Variants in GFPT1 observed in about 807,000 individuals in gnomAD.
GFPT1 encodes the protein glutamine--fructose-6-phosphate aminotransferase [isomerizing] 1.
Under a neutral mutation model 92.0 loss-of-function variants are expected in GFPT1, and 40 were observed. The ratio of observed to expected loss-of-function variants is 0.43; its 90% CI spans 0.34 to 0.57. The LOEUF (loss-of-function observed/expected upper bound fraction) is 0.57. Among genes scored for constraint, GFPT1 ranks in the 20% least tolerant of loss-of-function variants. GFPT1 has a pLI of 0.02. For missense variants in GFPT1, 448 were observed against 869.1 expected, an observed-to-expected ratio of 0.52 and a Z score of 6.09; for synonymous variants, 269 against 280.6, an observed-to-expected ratio of 0.96 and a Z score of 0.41.
chr2:69,323,691 T>C lies in GFPT1; in HGVS notation c.*2498A>G, dbSNP rs1015403272. 10 of 151,348 alleles carry C rather than the reference T, an allele frequency of 6.6e-5. No individual in the cohort carries two copies. Among genetic ancestry groups the C allele is most frequent in the Non-Finnish European group, 1.5e-4 (10 of 67,782 alleles). The allele number at this position is 151,348 out of a possible 1,614,324, so 9.4% of individuals were successfully genotyped here. On this transcript the variant is annotated 3_prime_UTR_variant, in exon 20 of 20. Transcript: ENST00000357308. ...TTTAAAAAAAAAATTTTTTTTTTTT[T>C]TTTTTGAGAGAGTCTTGCTCTGTCG...
chr2:69,344,819 A>G lies in GFPT1; in HGVS notation c.1105+1085T>C, dbSNP rs543428981. On this transcript the variant is annotated intron_variant, in intron 12 of 19. Transcript: ENST00000357308. ...CCACCACACCCAGCTAATTTTTTAAAAATTTTTAGTAAAAAGGAGGTCAGA... is the reference window on the plus strand; with the variant it reads ...CCACCACACCCAGCTAATTTTTTAAGAATTTTTAGTAAAAAGGAGGTCAGA... Among the ~76,000 whole-genome samples the G allele has an allele frequency of 3.6e-4, 54 of 151,804 alleles. 1 individual carries two copies. In the South Asian group the frequency reaches 0.01, roughly 29 times the overall value.
chr2:69,381,815 A>G (rs1034395699), intron 1 of GFPT1, among the ~76,000 whole-genome samples: 1 of 150,538 alleles, frequency 6.6e-6, no homozygotes, highest in African/African-American at 2.5e-5. Flanking sequence ...CAGCTTCCTG[A>G]GTGGCTGGGA....
intron 18 of GFPT1, among the ~76,000 whole-genome samples, chr2:69,327,831 G>T (rs1226389605): frequency 6.6e-6 from 1 of 152,012 alleles, no homozygotes; most frequent in Non-Finnish European, 1.5e-5. Flanking sequence ...GGCCAGGCGG[G>T]GTGGCTCATG....
At chr2:69,382,785 A>G (rs1324716076) in intron 1 of GFPT1, among the ~76,000 whole-genome samples, 1 of 152,206 alleles carries the variant, frequency 6.6e-6, no homozygotes, top group Admixed American at 6.5e-5. Flanking sequence ...CAAGTTGAGT[A>G]AAAGTCCTGC....
At position 69,354,504 on chromosome 2, in the gene GFPT1, T is replaced by C. The variant is rs1489383761; in HGVS notation, c.670A>G (p.Ile224Val). Residue 224 changes from isoleucine to valine, a missense_variant, in exon 8 of 20, where the codon ATA (isoleucine) becomes GTA (valine). Coordinates refer to ENST00000357308, the MANE Select transcript of GFPT1 (RefSeq NM_001244710.2). The stretch of plus-strand genomic sequence containing the variant: ...GTAATTTTACCTGTTCTGTAGAGTA[T>C]AGGAATGTGATCAGTAGAAAGTTTA... Reference protein sequence around the residue: ...EHKLSTDHIPILYRTARTQIG... With the variant: ...EHKLSTDHIPVLYRTARTQIG... The C allele has an allele frequency of 8.8e-6, 14 of 1,595,802 alleles. No homozygotes were observed. Among genetic ancestry groups the C allele is most frequent in the African/African-American group, 1.3e-5 (1 of 74,580 alleles).
At chr2:69,380,787 T>A (rs372157946) in intron 1 of GFPT1, among the ~76,000 whole-genome samples, 5 of 152,212 alleles carry the variant, frequency 3.3e-5, no homozygotes, top group Admixed American at 2.6e-4. Context: ...AGAACTCATC[T>A]ATCCTATCCA....
intron 6 of GFPT1, among the ~76,000 whole-genome samples, chr2:69,357,496 G>A (rs1291475715): frequency 3.3e-5 from 5 of 152,160 alleles, no homozygotes; most frequent in Admixed American, 6.6e-5. Context: ...TGTTAGAAAC[G>A]AGAAAAGGCT....
chr2:69,333,283 C>T (rs1191217233), intron 15 of GFPT1, among the ~76,000 whole-genome samples: 3 of 152,182 alleles, frequency 2.0e-5, no homozygotes, highest in Admixed American at 2.0e-4. Flanking sequence ...TCCTGTAGCC[C>T]ATAACTAAAA....
chr2:69,323,628 T>G lies in GFPT1; in HGVS notation c.*2561A>C, dbSNP rs1403039351. The G allele has an allele frequency of 2.0e-5, 3 of 151,792 alleles. No homozygotes were observed. The highest frequency in any genetic ancestry group is 7.3e-5 in the African/African-American group (3 of 41,336). 9.4% of individuals were successfully genotyped at this position (151,792 alleles called of 1,614,324 possible). On this transcript the variant is annotated 3_prime_UTR_variant, in exon 20 of 20. Coordinates refer to ENST00000357308, the MANE Select transcript of GFPT1 (RefSeq NM_001244710.2). ...ATCCTACTACTTAAGCCTCCCAAGT[T>G]GCTGAGACTACAGGCACAAGCCACC...
At chr2:69,342,721 C>G (rs1670981848) in intron 12 of GFPT1, among the ~76,000 whole-genome samples, 1 of 152,134 alleles carries the variant, frequency 6.6e-6, no homozygotes, top group Non-Finnish European at 1.5e-5. Flanking sequence ...AGAGGTTTGT[C>G]AAACTTAGAG....
At chr2:69,337,873 T>C (rs1268071654) in intron 15 of GFPT1, 25 bp downstream of exon 15, 3 of 1,593,630 alleles carry the variant, frequency 1.9e-6, no homozygotes, top group Admixed American at 1.7e-5. Context: ...TAAATAATCA[T>C]CAGAGAAATG....
At chr2:69,379,142 T>C (rs1310424424) in intron 1 of GFPT1, among the ~76,000 whole-genome samples, 1 of 152,098 alleles carries the variant, frequency 6.6e-6, no homozygotes, top group African/African-American at 2.4e-5. Flanking sequence ...ATTGTGAAAA[T>C]CTCTCCTTTC....
chr2:69,365,360 T>C (rs539116896), intron 3 of GFPT1, among the ~76,000 whole-genome samples: 222 of 152,138 alleles, frequency 1.5e-3, no homozygotes, highest in African/African-American at 5.2e-3. Flanking sequence ...TAATCCCAGC[T>C]ACTCAGGAGG....
chr2:69,339,632 T>C (rs1670887791), intron 13 of GFPT1, among the ~76,000 whole-genome samples: 1 of 152,200 alleles, frequency 6.6e-6, no homozygotes, highest in Non-Finnish European at 1.5e-5. Flanking sequence ...TTCAGGCAAG[T>C]GGCCCTCCCC....
chr2:69,356,460 T>C (rs1671340560), intron 7 of GFPT1, 36 bp downstream of exon 7: 1 of 1,415,062 alleles, frequency 7.1e-7, no homozygotes, highest in African/African-American at 1.4e-5. Context: ...CTCAAATATG[T>C]TGAAATACAT....
intron 4 of GFPT1, among the ~76,000 whole-genome samples, chr2:69,362,248 C>T (rs1304966136): frequency 6.6e-6 from 1 of 152,046 alleles, no homozygotes; most frequent in Non-Finnish European, 1.5e-5. Context: ...CCTGCCTTAG[C>T]CTCCTGAGTA....
intron 15 of GFPT1, among the ~76,000 whole-genome samples, chr2:69,336,489 TTTAA>T (rs1395588641): frequency 4.6e-5 from 7 of 152,114 alleles, no homozygotes; most frequent in African/African-American, 1.2e-4. Context: ...TTCACAATCC[TTTAA>T]TTAAACTCAA....
chr2:69,342,048 C>A, intron 13 of GFPT1, 104 bp downstream of exon 13: 1 of 649,950 alleles, frequency 1.5e-6, no homozygotes, highest in Non-Finnish European at 2.6e-6. Context: ...GAAAAGATAA[C>A]ACATTAACAA....
At chr2:69,360,645 C>A (rs1014248062) in intron 4 of GFPT1, among the ~76,000 whole-genome samples, 2 of 152,108 alleles carry the variant, frequency 1.3e-5, no homozygotes, top group East Asian at 3.9e-4. Context: ...CTATGTTGCC[C>A]AGGCTAGTCT....
Sources: allele counts gnomAD v4.1 joint callset (sites outside exome capture counted in the v4.1 genomes callset), GRCh38; gene constraint gnomAD v4.1.1; transcripts MANE v1.5; gene names NCBI Gene and HGNC (gene_info 2026-07-23, HGNC 2026-07-21).